Variants in TRHDE observed in about 807,000 individuals in gnomAD.
TRHDE encodes thyrotropin-releasing hormone-degrading ectoenzyme.
A neutral mutation model predicts 125.7 loss-of-function variants in TRHDE; 72 were observed. That is an observed-to-expected ratio of 0.57 (90% CI 0.47 to 0.70). The LOEUF (loss-of-function observed/expected upper bound fraction) is 0.70. TRHDE is among the 30% of genes least tolerant of loss of function. The pLI, the probability that TRHDE is intolerant of heterozygous loss-of-function variation, is 0.00. For missense variants in TRHDE, 1,110 were observed against 1,327.1 expected (o/e 0.84, Z 2.54); for synonymous variants, 509 against 509.1 (o/e 1.00, Z 0.00).
At chr12:72,322,961 C>T (rs1338829142) in intron 2 of TRHDE, among the ~76,000 whole-genome samples, 1 of 152,024 alleles carries the variant, frequency 6.6e-6, no homozygotes, top group African/African-American at 2.4e-5. Context: ...AGCCATTTAG[C>T]CATTTTCACT....
chr12:72,188,598 C>T (rs905551057), intron 2 of TRHDE, among the ~76,000 whole-genome samples: 1 of 152,130 alleles, frequency 6.6e-6, no homozygotes, highest in African/African-American at 2.4e-5. Flanking sequence ...GGTGAATTAG[C>T]TTGTGAACTC....
At chr12:72,369,961 G>C (rs916750651) in intron 2 of TRHDE, among the ~76,000 whole-genome samples, 1 of 152,084 alleles carries the variant, frequency 6.6e-6, no homozygotes, top group Non-Finnish European at 1.5e-5. Flanking sequence ...TGATTAAGTA[G>C]GACCTAGTTA....
intron 2 of TRHDE, among the ~76,000 whole-genome samples, chr12:72,297,257 T>C (rs895220161): frequency 6.6e-6 from 1 of 152,066 alleles, no homozygotes; most frequent in African/African-American, 2.4e-5. Context: ...ATGGAAGTGA[T>C]GTTCAGAAAA....
At chr12:72,160,999 A>T (rs1357040838) in intron 2 of TRHDE, among the ~76,000 whole-genome samples, 1 of 152,184 alleles carries the variant, frequency 6.6e-6, no homozygotes, top group Non-Finnish European at 1.5e-5. Context: ...TTGTTTTAGT[A>T]AATACAAAAT....
At chr12:72,419,743 C>T (rs760871938) in intron 3 of TRHDE, among the ~76,000 whole-genome samples, 1 of 152,100 alleles carries the variant, frequency 6.6e-6, no homozygotes, top group Non-Finnish European at 1.5e-5. Flanking sequence ...AAGAAAAATA[C>T]ACTTACCTCC....
At chr12:72,376,901 A>T (rs1871911699) in intron 2 of TRHDE, among the ~76,000 whole-genome samples, 1 of 152,238 alleles carries the variant, frequency 6.6e-6, no homozygotes, top group South Asian at 2.1e-4. Flanking sequence ...TTTGAAAAGA[A>T]CACAAATTCC....
At chr12:72,524,469 G>T (rs1400937375) in intron 6 of TRHDE, among the ~76,000 whole-genome samples, 1 of 152,148 alleles carries the variant, frequency 6.6e-6, no homozygotes, top group Non-Finnish European at 1.5e-5. Flanking sequence ...ACAAGGTGCA[G>T]ATCTCAATTG....
chr12:72,654,204 G>GTT (rs1874619064), intron 17 of TRHDE, among the ~76,000 whole-genome samples: 1 of 152,074 alleles, frequency 6.6e-6, no homozygotes, highest in African/African-American at 2.4e-5. Flanking sequence ...TTAGGGAGTG[G>GTT]TTTTGTAAAT....
At position 72,124,648 on chromosome 12, in the gene TRHDE, A is replaced by G. The variant is rs544339110; in HGVS notation, n.279+18896A>G. On this transcript the variant is annotated intron_variant and non_coding_transcript_variant, in intron 2 of 4. Coordinates refer to the TRHDE transcript ENST00000548156. ...CTGTAATATTCAATTGAGTGATTAT[A>G]TCATACTTTGCTTATTCAGAGCTAC... 4.6e-5 allele frequency among the ~76,000 whole-genome samples: 7 copies of G among 152,330 alleles called. No homozygotes were observed. The East Asian group carries it at 7.7e-4, about 17-fold the overall frequency.
intron 15 of TRHDE, among the ~76,000 whole-genome samples, chr12:72,630,018 T>G (rs1169716338): frequency 6.7e-6 from 1 of 150,192 alleles, no homozygotes; most frequent in South Asian, 2.1e-4. Context: ...TTTCATTTTA[T>G]GTATATATAA....
At chr12:72,590,156 AT>A (rs147509061) in intron 12 of TRHDE, among the ~76,000 whole-genome samples, 27 of 151,580 alleles carry the variant, frequency 1.8e-4, no homozygotes, top group African/African-American at 4.1e-4. Flanking sequence ...ATATTACTTT[AT>A]TTTTTTTGTT....
intron 2 of TRHDE, among the ~76,000 whole-genome samples, chr12:72,159,434 C>A (rs780737643): frequency 1.3e-5 from 2 of 152,136 alleles, no homozygotes; most frequent in Non-Finnish European, 2.9e-5. Flanking sequence ...AACTAGGCAG[C>A]GATGAAGCTA....
At chr12:72,165,228 T>C (rs1381028879) in intron 2 of TRHDE, among the ~76,000 whole-genome samples, 1 of 152,246 alleles carries the variant, frequency 6.6e-6, no homozygotes, top group African/African-American at 2.4e-5. Flanking sequence ...AAGGGACTTC[T>C]GGAATCTTTA....
intron 2 of TRHDE, among the ~76,000 whole-genome samples, chr12:72,291,164 G>A (rs1880074739): frequency 6.6e-6 from 1 of 152,178 alleles, no homozygotes; most frequent in Non-Finnish European, 1.5e-5. Flanking sequence ...AGATCACTTG[G>A]TTTGGTTTCT....
chr12:72,155,495 G>T (rs1876482611), intron 2 of TRHDE, among the ~76,000 whole-genome samples: 1 of 152,108 alleles, frequency 6.6e-6, no homozygotes. Flanking sequence ...CGGTTTTTCT[G>T]CTCTGTTTTT....
At chr12:72,473,780 A>G (rs565986782) in intron 5 of TRHDE, among the ~76,000 whole-genome samples, 3 of 152,128 alleles carry the variant, frequency 2.0e-5, no homozygotes, top group Admixed American at 6.5e-5. Context: ...TAGTTTTGCT[A>G]TATGTCTTTT....
intron 10 of TRHDE, among the ~76,000 whole-genome samples, chr12:72,572,459 C>T (rs1461421585): frequency 2.6e-5 from 4 of 152,050 alleles, no homozygotes; most frequent in Non-Finnish European, 5.9e-5. Flanking sequence ...TACCATACCT[C>T]ATTAGGCCAT....
rs796569778 is a variant in TRHDE at position 72,456,176 on chromosome 12, C to CACAG, written c.1316-13581_1316-13580insCAGA. ...ACACACACACACACACACACACACACAGAGACTCAGAGAGTTGGACATATG... is the reference window on the plus strand; with the variant it reads ...ACACACACACACACACACACACACACACAGAGAGACTCAGAGAGTTGGACATATG... On this transcript the variant is annotated intron_variant, in intron 3 of 18. Coordinates refer to ENST00000261180, the MANE Select transcript of TRHDE (RefSeq NM_013381.3). Among the ~76,000 whole-genome samples the CACAG allele has an allele frequency of 2.6e-3, 363 of 140,514 alleles. 10 individuals are homozygous for CACAG. The highest frequency in any genetic ancestry group is 0.017 in the South Asian group (74 of 4,442). The allele number at this position is 140,514 out of a possible 152,430, so 92.2% of individuals were successfully genotyped here.
At chr12:72,576,684 TC>T (rs964721931) in intron 12 of TRHDE, among the ~76,000 whole-genome samples, 1 of 152,110 alleles carries the variant, frequency 6.6e-6, no homozygotes, top group Non-Finnish European at 1.5e-5. Flanking sequence ...GACTTTTGCC[TC>T]CCTTATTGCT....
Sources: gnomAD v4.1 joint callset for allele counts (sites outside exome capture counted in the v4.1 genomes callset) on GRCh38, gnomAD v4.1.1 for gene constraint, MANE v1.5 for transcripts, NCBI Gene and HGNC (gene_info 2026-07-23, HGNC 2026-07-21) for gene names.